Variants in CDH18 observed in about 807,000 individuals in gnomAD.
CDH18 encodes the protein cadherin 18.
A neutral mutation model predicts 67.9 loss-of-function variants in CDH18; 31 were observed. The ratio of observed to expected loss-of-function variants is 0.46; its 90% CI spans 0.34 to 0.62. The LOEUF (loss-of-function observed/expected upper bound fraction) is 0.62. CDH18 is among the 20% of genes least tolerant of loss of function. CDH18 has a pLI of 0.01. For missense variants in CDH18, 890 were observed against 975.5 expected (o/e 0.91, Z 1.17); for synonymous variants, 362 against 347.2 (o/e 1.04, Z -0.48).
chr5:19,962,856 C>T (rs909509150), intron 2 of CDH18, among the ~76,000 whole-genome samples: 3 of 152,196 alleles, frequency 2.0e-5, no homozygotes, highest in African/African-American at 7.2e-5. Flanking sequence ...ATTCATAATG[C>T]ATAATTCATT....
At position 20,013,398 on chromosome 5, in the gene CDH18, C is replaced by T. The variant is rs964134865; in HGVS notation, c.-517-21384G>A. Among the ~76,000 whole-genome samples the T allele has an allele frequency of 4.6e-5, 7 of 151,962 alleles. No homozygotes were observed. The East Asian group carries it at 5.8e-4, about 13-fold the overall frequency. On this transcript the variant is annotated intron_variant, in intron 2 of 14. Transcript: ENST00000507958. The stretch of plus-strand genomic sequence containing the variant: ...GGTTATATTGATGTACTGATAGTTA[C>T]GACCCTGATAAGTTATCCGTTGTAG...
At chr5:20,324,611 T>C (rs1738373270) in intron 1 of CDH18, among the ~76,000 whole-genome samples, 1 of 152,166 alleles carries the variant, frequency 6.6e-6, no homozygotes, top group African/African-American at 2.4e-5. Context: ...CCTCAAATAT[T>C]CATGGGAGTC....
intron 2 of CDH18, among the ~76,000 whole-genome samples, chr5:20,148,180 C>T (rs1212569199): frequency 6.6e-6 from 1 of 151,806 alleles, no homozygotes; most frequent in Non-Finnish European, 1.5e-5. Context: ...CAAGCTCCGC[C>T]TCCCAGGTTC....
chr5:19,866,618 G>A (rs1785542658), intron 2 of CDH18, among the ~76,000 whole-genome samples: 1 of 152,046 alleles, frequency 6.6e-6, no homozygotes, highest in African/African-American at 2.4e-5. Flanking sequence ...CCCTATTCTG[G>A]GGCAAGATTT....
rs74982888 is a variant in CDH18, at chr5:20,516,480, G to A, written c.-580+58982C>T. On this transcript the variant is annotated intron_variant, in intron 1 of 14. Transcript: ENST00000507958. ...AAATAATTTTAATACAGGTGACTTT[G>A]GGCTGAGTTTTCAAATGAGCTGGTT... Among the ~76,000 whole-genome samples the A allele has an allele frequency of 4.3e-4, 66 of 151,960 alleles. No individual in the cohort carries two copies. In the East Asian group the frequency reaches 0.011, roughly 26 times the overall value.
chr5:20,106,041 C>T lies in CDH18; in HGVS notation c.-517-114027G>A, dbSNP rs150334400. 1.6e-4 allele frequency among the ~76,000 whole-genome samples: 25 copies of T among 152,154 alleles called. No homozygotes were observed. The East Asian group carries it at 4.8e-3, about 29-fold the overall frequency. ...TGTTCTATTGTGTGTGTGTAGAAGG[C>T]TGACAGCTCTAGATTTCATTGTATT... On this transcript the variant is annotated intron_variant, in intron 2 of 14. Transcript: ENST00000507958.
At chr5:19,891,396 C>T (rs1418220406) in intron 2 of CDH18, among the ~76,000 whole-genome samples, 1 of 152,066 alleles carries the variant, frequency 6.6e-6, no homozygotes, top group Non-Finnish European at 1.5e-5. Context: ...TGAATCCTTA[C>T]AAAAAATATT....
At chr5:20,337,726 G>T (rs1580786029) in intron 1 of CDH18, among the ~76,000 whole-genome samples, 1 of 152,102 alleles carries the variant, frequency 6.6e-6, no homozygotes, top group East Asian at 1.9e-4. Flanking sequence ...TCCAACCTCT[G>T]CCTGTTACCC....
At chr5:20,509,169 G>A (rs1192637518) in intron 1 of CDH18, among the ~76,000 whole-genome samples, 1 of 151,982 alleles carries the variant, frequency 6.6e-6, no homozygotes, top group Non-Finnish European at 1.5e-5. Flanking sequence ...TCCCCATGTT[G>A]TACAATAGAT....
intron 5 of CDH18, among the ~76,000 whole-genome samples, chr5:19,710,396 T>C (rs1436059469): frequency 6.6e-6 from 1 of 152,156 alleles, no homozygotes; most frequent in Admixed American, 6.6e-5. Flanking sequence ...CAAAAATGAG[T>C]AATGCAAGGT....
chr5:20,546,123 T>C (rs1382358914), intron 1 of CDH18, among the ~76,000 whole-genome samples: 2 of 152,166 alleles, frequency 1.3e-5, no homozygotes, highest in Non-Finnish European at 2.9e-5. Context: ...TGACCTTTAC[T>C]CTGGTTCCCA....
intron 10 of CDH18, among the ~76,000 whole-genome samples, chr5:19,506,657 G>T (rs563368249): frequency 1.8e-4 from 28 of 152,258 alleles, no homozygotes; most frequent in African/African-American, 6.7e-4. Context: ...AATGGGGAAA[G>T]GAATCCCTGT....
chr5:20,390,895 C>T (rs1311301799), intron 1 of CDH18, among the ~76,000 whole-genome samples: 2 of 151,870 alleles, frequency 1.3e-5, no homozygotes, highest in African/African-American at 2.4e-5. Context: ...GGACAAAAAA[C>T]CAAACACATG....
intron 2 of CDH18, among the ~76,000 whole-genome samples, chr5:19,840,475 G>A (rs2150031893): frequency 6.6e-6 from 1 of 152,164 alleles, no homozygotes; most frequent in South Asian, 2.1e-4. Flanking sequence ...GGCTGAGGCA[G>A]GCAGATCACT....
At chr5:19,662,992 GT>G (rs1023170529) in intron 5 of CDH18, among the ~76,000 whole-genome samples, 3 of 151,952 alleles carry the variant, frequency 2.0e-5, no homozygotes, top group Admixed American at 1.3e-4. Context: ...TAAAGTTCCT[GT>G]TTTGTTGTAA....
intron 1 of CDH18, among the ~76,000 whole-genome samples, chr5:20,443,053 C>CA (rs1304671333): frequency 4.7e-5 from 7 of 149,418 alleles, no homozygotes; most frequent in East Asian, 2.0e-4. Context: ...ACTAAAAATA[C>CA]AAAAAAATTA....
chr5:19,533,300 A>C lies in CDH18; in HGVS notation c.1390+10569T>G, dbSNP rs1306460461. Among the ~76,000 whole-genome samples the C allele has an allele frequency of 2.0e-5, 3 of 152,222 alleles. No homozygotes were observed. In the East Asian group the frequency reaches 5.8e-4, roughly 29 times the overall value. ...ATCAAATGTTGATGCTTTGTTGAGT[A>C]GAGGAATAGGATTAGGCTTTGGATT... On this transcript the variant is annotated intron_variant, in intron 9 of 12. Coordinates refer to ENST00000382275, the MANE Select transcript of CDH18 (RefSeq NM_004934.5).
chr5:20,504,784 T>G (rs1312074184), intron 1 of CDH18, among the ~76,000 whole-genome samples: 1 of 119,978 alleles, frequency 8.3e-6, no homozygotes, highest in East Asian at 3.1e-4. Flanking sequence ...TTTTTTTTTT[T>G]TGAGACGGAG....
chr5:20,294,867 T>C, intron 1 of CDH18, among the ~76,000 whole-genome samples: 1 of 152,186 alleles, frequency 6.6e-6, no homozygotes, highest in East Asian at 1.9e-4. Flanking sequence ...ATATATATTT[T>C]CATTGTTCAA....
Sources: gnomAD v4.1 joint callset for allele counts (sites outside exome capture counted in the v4.1 genomes callset) on GRCh38, gnomAD v4.1.1 for gene constraint, MANE v1.5 for transcripts, NCBI Gene and HGNC (gene_info 2026-07-23, HGNC 2026-07-21) for gene names.